CNTN5: variants seen among roughly 807,000 people sequenced by gnomAD.
CNTN5 encodes the protein contactin-5.
In CNTN5, 77 loss-of-function variants were observed where a neutral mutation model predicts 129.1. The ratio of observed to expected loss-of-function variants is 0.60; its 90% CI spans 0.50 to 0.72. The LOEUF is 0.72. CNTN5 is among the 30% of genes least tolerant of loss of function. CNTN5 has a pLI of 0.00. For missense variants in CNTN5, 1,478 were observed against 1,328.8 expected, an observed-to-expected ratio of 1.11 and a Z score of -1.75; for synonymous variants, 509 against 465.6, an observed-to-expected ratio of 1.09 and a Z score of -1.20.
intron 2 of CNTN5, among the ~76,000 whole-genome samples, chr11:99,363,515 A>G (rs181273261): frequency 3.4e-4 from 52 of 152,176 alleles, no homozygotes; most frequent in Middle Eastern, 3.4e-3. Context: ...GCTGTTCCCT[A>G]TTTCTTCTTT....
At chr11:99,757,159 G>T (rs755748615) in intron 3 of CNTN5, among the ~76,000 whole-genome samples, 4 of 151,804 alleles carry the variant, frequency 2.6e-5, no homozygotes, top group Non-Finnish European at 4.4e-5. Context: ...CTTAGCTTCT[G>T]GTATTGTCAA....
At chr11:99,567,528 G>A (rs960392682) in intron 3 of CNTN5, among the ~76,000 whole-genome samples, 14 of 152,026 alleles carry the variant, frequency 9.2e-5, no homozygotes, top group Non-Finnish European at 1.5e-4. Context: ...CTTGGTGGCC[G>A]TGTGGTAAAT....
intron 17 of CNTN5, among the ~76,000 whole-genome samples, chr11:100,259,786 A>C (rs1361415859): frequency 6.6e-6 from 1 of 152,202 alleles, no homozygotes; most frequent in Admixed American, 6.5e-5. Flanking sequence ...TCTGGGACAC[A>C]TTTAAAGCAG....
At chr11:99,360,825 G>A (rs1052340817) in intron 2 of CNTN5, among the ~76,000 whole-genome samples, 3 of 152,264 alleles carry the variant, frequency 2.0e-5, no homozygotes, top group Non-Finnish European at 2.9e-5. Flanking sequence ...TCACAATATA[G>A]CCAGGTTGAG....
At chr11:99,736,672 G>T (rs190989281) in intron 3 of CNTN5, among the ~76,000 whole-genome samples, 66 of 152,202 alleles carry the variant, frequency 4.3e-4, no homozygotes, top group African/African-American at 1.5e-3. Flanking sequence ...AATTATCGAA[G>T]TGTGAAATTA....
At chr11:100,224,844 T>G (rs1369260493) in intron 16 of CNTN5, 32 bp downstream of exon 16, 1 of 1,608,672 alleles carries the variant, frequency 6.2e-7, no homozygotes, top group Non-Finnish European at 8.5e-7. Flanking sequence ...TCTGAAGACA[T>G]GATCACCATA....
intron 3 of CNTN5, among the ~76,000 whole-genome samples, chr11:99,725,488 A>C (rs1447704001): frequency 6.6e-6 from 1 of 151,858 alleles, no homozygotes; most frequent in Non-Finnish European, 1.5e-5. Flanking sequence ...TCCAATACAG[A>C]AGTGTTTTAT....
chr11:99,598,237 T>C, intron 3 of CNTN5, among the ~76,000 whole-genome samples: 3 of 79,594 alleles, frequency 3.8e-5, no homozygotes, highest in African/African-American at 4.4e-5. Context: ...CTCCCTTCTT[T>C]CCTTCCTTTT....
At chr11:99,158,695 A>G (rs1218454053) in intron 1 of CNTN5, among the ~76,000 whole-genome samples, 1 of 152,206 alleles carries the variant, frequency 6.6e-6, no homozygotes. Context: ...TTTATAAAAT[A>G]AAATAAAGTT....
chr11:100,238,484 AAGCAGC>A (rs1279587766), intron 16 of CNTN5, among the ~76,000 whole-genome samples: 5 of 145,210 alleles, frequency 3.4e-5, no homozygotes, highest in South Asian at 2.4e-4. Flanking sequence ...GGAGAAGCAG[AAGCAGC>A]AGCAGCAGGA....
intron 3 of CNTN5, among the ~76,000 whole-genome samples, chr11:99,602,606 G>A (rs1188128955): frequency 6.6e-6 from 1 of 152,064 alleles, no homozygotes; most frequent in Non-Finnish European, 1.5e-5. Context: ...ACATGGTTTG[G>A]CTCCCACTAC....
intron 9 of CNTN5, among the ~76,000 whole-genome samples, chr11:100,040,560 C>T (rs1215833585): frequency 6.6e-6 from 1 of 152,172 alleles, no homozygotes; most frequent in African/African-American, 2.4e-5. Flanking sequence ...TGTGCCCTGC[C>T]CCCAGAGGTG....
intron 8 of CNTN5, among the ~76,000 whole-genome samples, chr11:99,978,235 G>A (rs909313098): frequency 3.3e-5 from 5 of 152,162 alleles, no homozygotes; most frequent in African/African-American, 9.7e-5. Context: ...CAATATGTTT[G>A]TCTTTTAAGC....
Position 99,874,296 on chromosome 11 carries a change from C to T in CNTN5, c.577+29034C>T, listed in dbSNP as rs537448350. Among the ~76,000 whole-genome samples, 6 of 152,238 alleles carry T rather than the reference C, an allele frequency of 3.9e-5. No homozygotes were observed. In the East Asian group the frequency reaches 1.2e-3, roughly 29 times the overall value. On this transcript the variant is annotated intron_variant, in intron 6 of 24. Coordinates refer to ENST00000524871, the MANE Select transcript of CNTN5 (RefSeq NM_014361.4). ...TTTTCTTAAACTCATCTGTTGAAAA[C>T]TTAAGTTATTTGACTGAAGAAATCC...
chr11:99,532,352 T>C (rs1380676788), intron 2 of CNTN5, among the ~76,000 whole-genome samples: 1 of 152,160 alleles, frequency 6.6e-6, no homozygotes, highest in Non-Finnish European at 1.5e-5. Context: ...TAACTTGCTT[T>C]TGATTTTACA....
intron 24 of CNTN5, among the ~76,000 whole-genome samples, chr11:100,352,572 A>G (rs1247458995): frequency 6.6e-6 from 1 of 151,692 alleles, no homozygotes; most frequent in East Asian, 1.9e-4. Context: ...TAGTCTCACA[A>G]CTTTTCAGTA....
intron 15 of CNTN5, among the ~76,000 whole-genome samples, chr11:100,202,386 C>G (rs1948803253): frequency 6.6e-6 from 1 of 151,772 alleles, no homozygotes; most frequent in African/African-American, 2.4e-5. Flanking sequence ...ATGTATTCTT[C>G]TAATATTACT....
intron 16 of CNTN5, among the ~76,000 whole-genome samples, chr11:100,255,403 C>T (rs560484022): frequency 1.3e-5 from 2 of 152,142 alleles, no homozygotes; most frequent in South Asian, 4.2e-4. Context: ...CACTGCCTAT[C>T]ATTTTCTGTT....
chr11:99,045,057 T>C (rs1260090237), intron 1 of CNTN5, among the ~76,000 whole-genome samples: 1 of 152,176 alleles, frequency 6.6e-6, no homozygotes, highest in African/African-American at 2.4e-5. Flanking sequence ...ACCTGGCATA[T>C]AGAAAACACT....
Sources: gnomAD v4.1 joint callset for allele counts (sites outside exome capture counted in the v4.1 genomes callset) on GRCh38, gnomAD v4.1.1 for gene constraint, MANE v1.5 for transcripts, NCBI Gene and HGNC (gene_info 2026-07-23, HGNC 2026-07-21) for gene names.